Variants in CYCS observed in about 807,000 individuals in gnomAD.
CYCS encodes cytochrome c.
For missense variants in CYCS, 87 were observed against 125.3 expected (o/e 0.69, Z 1.46); for synonymous variants, 41 against 43.0 (o/e 0.95, Z 0.18).
At position 25,119,638 on chromosome 7, in the gene CYCS, T is replaced by C. The variant is rs1783328299; in HGVS notation, c.*4063A>G. Among the ~76,000 whole-genome samples the C allele has an allele frequency of 6.6e-6, 1 of 151,968 alleles. No homozygotes were observed. The highest frequency in any genetic ancestry group is 1.5e-5 in the Non-Finnish European group (1 of 68,010). On this transcript the variant is annotated 3_prime_UTR_variant, in exon 3 of 3. Coordinates refer to ENST00000305786, the MANE Select transcript of CYCS (RefSeq NM_018947.6). Reference sequence around the variant, plus strand: ...ATCTGTTGCCCAGGCTGGAGTGCAGTAGCACAATCACAGCTACACTGCAGC... The same window carrying C: ...ATCTGTTGCCCAGGCTGGAGTGCAGCAGCACAATCACAGCTACACTGCAGC...
chr7:25,124,246 A>G (rs762955649), intron 1 of CYCS, 119 bp from the exon 2 acceptor site: 4 of 796,392 alleles, frequency 5.0e-6, no homozygotes, highest in Non-Finnish European at 8.5e-6. Flanking sequence ...ATTAAATACC[A>G]GAATGAATCT....
chr7:25,120,515 TC>T lies in CYCS; in HGVS notation c.*3185del, dbSNP rs1783342524. Reference sequence around the variant, plus strand: ...TATGTAAATTTAAAATAAAATACTTTCTAGTCACACTAGCTATATTTCAAGG... The same window carrying T: ...TATGTAAATTTAAAATAAAATACTTTTAGTCACACTAGCTATATTTCAAGG... On this transcript the variant is annotated 3_prime_UTR_variant, in exon 3 of 3. Coordinates refer to ENST00000305786, the MANE Select transcript of CYCS (RefSeq NM_018947.6). 1 of 152,258 alleles carries T rather than the reference TC, an allele frequency of 6.6e-6. No individual in the cohort carries two copies. The highest frequency in any genetic ancestry group is 2.4e-5 in the African/African-American group (1 of 41,458). The allele number at this position is 152,258 out of a possible 1,614,324, so 9.4% of individuals were successfully genotyped here.
rs944012034 is a variant in CYCS at position 25,119,438 on chromosome 7, G to T, written c.*4263C>A. Among the ~76,000 whole-genome samples, 1 of 152,032 alleles carries T rather than the reference G, an allele frequency of 6.6e-6. No homozygotes were observed. Among genetic ancestry groups the T allele is most frequent in the African/African-American group, 2.4e-5 (1 of 41,386 alleles). On this transcript the variant is annotated 3_prime_UTR_variant, in exon 3 of 3. Transcript: ENST00000305786. ...ATTACAGGTGCCGCCACCACGCCCA[G>T]CTAGTTTTTATATTTTTGGTAGAGA... is the stretch of plus-strand genomic sequence containing the variant.
chr7:25,123,698 T>C lies in CYCS; in HGVS notation c.*3A>G, dbSNP rs1448673893. ...TTGTAATAAATAAGGCAGTGGCCAA[T>C]TATTACTCATTAGTAGCTTTTTTGA... On this transcript the variant is annotated 3_prime_UTR_variant, in exon 3 of 3. Transcript: ENST00000305786. The C allele has an allele frequency of 6.3e-7, 1 of 1,599,144 alleles. No individual in the cohort carries two copies. Among genetic ancestry groups the C allele is most frequent in the South Asian group, 1.1e-5 (1 of 91,036 alleles).
chr7:25,124,639 G>C (rs903264683), intron 1 of CYCS: 1 of 190,154 alleles, frequency 5.3e-6, no homozygotes, highest in Non-Finnish European at 1.1e-5. Flanking sequence ...TTGTGAATGG[G>C]AGCTCAGGGG....
In CYCS at chr7:25,123,907, T is replaced by C. The variant is rs767243594; in HGVS notation, c.169+44A>G. ...ACTCCTGATAGTTTGCCACATGTTA[T>C]ATTCCTGCATTTTGTGTTGTTTTAT... is the stretch of plus-strand genomic sequence containing the variant. On this transcript the variant is annotated intron_variant, in intron 2 of 2. Coordinates refer to ENST00000305786, the MANE Select transcript of CYCS (RefSeq NM_018947.6). 6 of 1,614,062 alleles carry C rather than the reference T, an allele frequency of 3.7e-6. No homozygotes were observed. In the South Asian group the frequency reaches 5.5e-5, roughly 15 times the overall value.
chr7:25,124,033 A>C lies in CYCS; in HGVS notation c.87T>G (p.Thr29=). 1 of 1,614,154 alleles carries C rather than the reference A, an allele frequency of 6.2e-7. No individual in the cohort carries two copies. Among genetic ancestry groups the C allele is most frequent in the Non-Finnish European group, 8.5e-7 (1 of 1,180,030 alleles). The stretch of plus-strand genomic sequence containing the variant: ...CAAAGAGACCATGGAGATTTGGCCC[A>C]GTCTTGTGCTTGCCTCCCTTTTCAA... ...HTVEKGGKHK[T]GPNLHGLFGR... Residue 29 remains threonine (T), a synonymous_variant, in exon 2 of 3, where the codon ACT becomes ACG. Transcript: ENST00000305786.
In CYCS at chr7:25,123,508, A is replaced by C. The variant is rs1431408976; in HGVS notation, c.*193T>G. 5 of 596,590 alleles carry C rather than the reference A, an allele frequency of 8.4e-6. No individual in the cohort carries two copies. In the East Asian group the frequency reaches 1.2e-4, roughly 14 times the overall value. The allele number at this position is 596,590 out of a possible 1,614,324, so 37.0% of individuals were successfully genotyped here. A position where few individuals can be genotyped will look rare whatever the true frequency, so the allele number is the denominator to read the frequency against. ...TACCATTTACTGAATTGGAGTTACT[A>C]TTAAAATTCAAAAACTGAACATATT... On this transcript the variant is annotated 3_prime_UTR_variant, in exon 3 of 3. Coordinates refer to ENST00000305786, the MANE Select transcript of CYCS (RefSeq NM_018947.6).
Position 25,118,686 on chromosome 7 carries a change from C to A in CYCS, c.*5015G>T, listed in dbSNP as rs751808969. On this transcript the variant is annotated 3_prime_UTR_variant, in exon 3 of 3. Transcript: ENST00000305786. ...TCCACGGGCTGTTTATTGATACACA[C>A]TAAACACAATTTTCTCCTAATCCTA... 1.3e-5 allele frequency among the ~76,000 whole-genome samples: 2 copies of A among 152,188 alleles called. No homozygotes were observed. Among genetic ancestry groups the A allele is most frequent in the Non-Finnish European group, 2.9e-5 (2 of 68,034 alleles).
Position 25,123,748 on chromosome 7 carries a change from C to G in CYCS, c.271G>C (p.Glu91Gln), listed in dbSNP as rs1783397680. 6.2e-7 allele frequency: 1 copy of G among 1,607,754 alleles called. No individual in the cohort carries two copies. The highest frequency in any genetic ancestry group is 1.7e-5 in the Admixed American group (1 of 60,002). Reference sequence around the variant, plus strand: ...AGATAAGCTATTAAGTCTGCCCTTTCTTCCTTCTTCTTAATGCCGACAAAG... The same window carrying G: ...AGATAAGCTATTAAGTCTGCCCTTTGTTCCTTCTTCTTAATGCCGACAAAG... Reference protein sequence around the residue: ...MIFVGIKKKEERADLIAYLKK... With the variant: ...MIFVGIKKKEQRADLIAYLKK... Residue 91 changes from glutamate to glutamine, a missense_variant, in exon 3 of 3, where the codon GAA (glutamate) becomes CAA (glutamine). By Grantham distance (29) the Glu-to-Gln change is conservative (BLOSUM62 2). Transcript: ENST00000305786.
intron 1 of CYCS, among the ~76,000 whole-genome samples, chr7:25,124,496 G>C (rs1035517403): frequency 1.3e-5 from 2 of 152,180 alleles, no homozygotes; most frequent in African/African-American, 2.4e-5. Context: ...CTTTTAAAAA[G>C]ACCTAACCAT....
chr7:25,120,599 T>C lies in CYCS; in HGVS notation c.*3102A>G, dbSNP rs1176820986. On this transcript the variant is annotated 3_prime_UTR_variant, in exon 3 of 3. Transcript: ENST00000305786. ...CACTGGACAGCAAAAGTCTACAAAA[T>C]ATCCATCGTCACAGAAAGTTCTATT... 6.6e-6 allele frequency: 1 copy of C among 152,238 alleles called. No individual in the cohort carries two copies. The highest frequency in any genetic ancestry group is 2.4e-5 in the African/African-American group (1 of 41,454). The allele number at this position is 152,238 out of a possible 1,614,324, so 9.4% of individuals were successfully genotyped here. A position where few individuals can be genotyped will look rare whatever the true frequency, so the allele number is the denominator to read the frequency against.
In CYCS at chr7:25,121,998, T is replaced by A. The variant is rs1465154818; in HGVS notation, c.*1703A>T. On this transcript the variant is annotated 3_prime_UTR_variant, in exon 3 of 3. Transcript: ENST00000305786. ...ACATTTCTGTATCTATCTTAATATG[T>A]TTCCTGTATCATTTCCAGGATGCCA... is the stretch of plus-strand genomic sequence containing the variant. 1 of 145,768 alleles carries A rather than the reference T, an allele frequency of 6.9e-6. No individual in the cohort carries two copies. The highest frequency in any genetic ancestry group is 1.5e-5 in the Non-Finnish European group (1 of 67,010). 9.0% of individuals were successfully genotyped at this position (145,768 alleles called of 1,614,324 possible).
At position 25,122,537 on chromosome 7, in the gene CYCS, TG is replaced by T. The variant is rs1435099627; in HGVS notation, c.*1163del. 6.6e-6 allele frequency: 1 copy of T among 152,272 alleles called. No homozygotes were observed. Among genetic ancestry groups the T allele is most frequent in the Non-Finnish European group, 1.5e-5 (1 of 68,052 alleles). The allele number at this position is 152,272 out of a possible 1,614,324, so 9.4% of individuals were successfully genotyped here. On this transcript the variant is annotated 3_prime_UTR_variant, in exon 3 of 3. Coordinates refer to ENST00000305786, the MANE Select transcript of CYCS (RefSeq NM_018947.6). ...AGACTATGCATGAAATAATTCAGTA[TG>T]TAATTATACACTGTTACACATCACA...
In CYCS at chr7:25,119,448, A is replaced by T. The variant is rs917392889; in HGVS notation, c.*4253T>A. 2.6e-5 allele frequency among the ~76,000 whole-genome samples: 4 copies of T among 151,716 alleles called. No individual in the cohort carries two copies. In the East Asian group the frequency reaches 7.8e-4, roughly 29 times the overall value. ...CCGCCACCACGCCCAGCTAGTTTTT[A>T]TATTTTTGGTAGAGATGGGGTTTCA... On this transcript the variant is annotated 3_prime_UTR_variant, in exon 3 of 3. Coordinates refer to ENST00000305786, the MANE Select transcript of CYCS (RefSeq NM_018947.6).
In CYCS at chr7:25,120,411, GA is replaced by G. The variant is rs1475176877; in HGVS notation, c.*3289del. 4 of 152,148 alleles carry G rather than the reference GA, an allele frequency of 2.6e-5. No individual in the cohort carries two copies. Among genetic ancestry groups the G allele is most frequent in the African/African-American group, 4.8e-5 (2 of 41,450 alleles). The allele number at this position is 152,148 out of a possible 1,614,324, so 9.4% of individuals were successfully genotyped here. ...AATTCTAGATTTAATAGAGTAAAGAGAAAGTACTTTTGTTACAGACCACTGG... is the reference window on the plus strand; with the variant it reads ...AATTCTAGATTTAATAGAGTAAAGAGAAGTACTTTTGTTACAGACCACTGG... On this transcript the variant is annotated 3_prime_UTR_variant, in exon 3 of 3. Transcript: ENST00000305786.
chr7:25,124,861 A>G (rs1783421545), intron 1 of CYCS: 1 of 152,546 alleles, frequency 6.6e-6, no homozygotes, highest in African/African-American at 2.4e-5. Flanking sequence ...AAGAACGTGA[A>G]GCTCTAAGCT....
rs1783336133 is a variant in CYCS at position 25,120,113 on chromosome 7, G to GT, written c.*3587dup. 6.7e-6 allele frequency: 1 copy of GT among 148,304 alleles called. No homozygotes were observed. The highest frequency in any genetic ancestry group is 1.5e-5 in the Non-Finnish European group (1 of 67,398). The allele number at this position is 148,304 out of a possible 1,614,324, so 9.2% of individuals were successfully genotyped here. On this transcript the variant is annotated 3_prime_UTR_variant, in exon 3 of 3. Coordinates refer to ENST00000305786, the MANE Select transcript of CYCS (RefSeq NM_018947.6). ...AGATTTTTTTTTTTTTTTGGAGACA[G>GT]TTTCACTCGTCACCCAGGCTTGAGT...
rs1783375053 is a variant in CYCS at position 25,122,267 on chromosome 7, AT to A, written c.*1433del. On this transcript the variant is annotated 3_prime_UTR_variant, in exon 3 of 3. Transcript: ENST00000305786. ...ATATGAATTACAGCAAGCTTTCCAC[AT>A]TTCTATAAATAAAAATAAGACTCAT... 6.6e-6 allele frequency: 1 copy of A among 152,204 alleles called. No individual in the cohort carries two copies. Among genetic ancestry groups the A allele is most frequent in the Non-Finnish European group, 1.5e-5 (1 of 68,028 alleles). 9.4% of individuals were successfully genotyped at this position (152,204 alleles called of 1,614,324 possible).
Sources: allele counts gnomAD v4.1 joint callset (sites outside exome capture counted in the v4.1 genomes callset), GRCh38; gene constraint gnomAD v4.1.1; transcripts MANE v1.5; gene names NCBI Gene and HGNC (gene_info 2026-07-23, HGNC 2026-07-21).